The following ATG10 variants were observed in gnomAD, a reference collection of about 807,000 sequenced individuals.
The protein encoded by ATG10 is autophagy related 10.
In ATG10, 30 loss-of-function variants were observed where a neutral mutation model predicts 32.1. That is an observed-to-expected ratio of 0.94 (90% confidence interval 0.70 to 1.27). ATG10 has a LOEUF of 1.27. Among genes scored for constraint, ATG10 ranks in the 50% most tolerant of loss-of-function variants. The pLI, the probability that ATG10 is intolerant of heterozygous loss-of-function variation, is 0.00. For synonymous variants in ATG10, 87 were observed against 91.5 expected, an observed-to-expected ratio of 0.95 and a Z score of 0.28; for missense variants, 233 against 262.3, an observed-to-expected ratio of 0.89 and a Z score of 0.77.
chr5:82,082,154 G>C lies in ATG10; in HGVS notation c.216+23552G>C, dbSNP rs111436666. Among the ~76,000 whole-genome samples the C allele has an allele frequency of 2.6e-3, 391 of 152,198 alleles. 3 individuals are homozygous for C. The highest frequency in any genetic ancestry group is 8.3e-3 in the African/African-American group (346 of 41,524). On this transcript the variant is annotated intron_variant, in intron 3 of 7. Transcript: ENST00000282185. ...AGTTACAATTCCAGATGAGATTTGGGGGGGGGGACACAGCCAAACCATTTC... is the reference window on the plus strand; with the variant it reads ...AGTTACAATTCCAGATGAGATTTGGCGGGGGGGACACAGCCAAACCATTTC...
chr5:82,227,787 T>TG (rs1182968679), intron 5 of ATG10, among the ~76,000 whole-genome samples: 1 of 152,206 alleles, frequency 6.6e-6, no homozygotes, highest in African/African-American at 2.4e-5. Flanking sequence ...CTCTGTGACC[T>TG]GGATTAGTCA....
chr5:81,973,078 AT>A (rs1760771669), intron 1 of ATG10: 1 of 152,230 alleles, frequency 6.6e-6, no homozygotes, highest in Non-Finnish European at 1.5e-5. Context: ...AGAGAAAAAA[AT>A]ACAGTACTCC....
At chr5:82,013,899 A>G (rs1762202834) in intron 2 of ATG10, among the ~76,000 whole-genome samples, 1 of 151,856 alleles carries the variant, frequency 6.6e-6, no homozygotes, top group African/African-American at 2.4e-5. Context: ...GATTCTGGAT[A>G]TTAGTCATTT....
chr5:82,138,886 T>G (rs1317667531), intron 3 of ATG10, among the ~76,000 whole-genome samples: 3 of 51,346 alleles, frequency 5.8e-5, no homozygotes, highest in East Asian at 1.4e-3. Context: ...CCCCTCTCCC[T>G]CTCCCTCTCA....
At chr5:82,095,627 G>A (rs1765031758) in intron 3 of ATG10, among the ~76,000 whole-genome samples, 1 of 151,878 alleles carries the variant, frequency 6.6e-6, no homozygotes, top group Admixed American at 6.6e-5. Flanking sequence ...ATTTTAACCG[G>A]GAGTGGTGTG....
chr5:82,017,157 T>C (rs1243865605), intron 2 of ATG10, among the ~76,000 whole-genome samples: 1 of 147,524 alleles, frequency 6.8e-6, no homozygotes, highest in Non-Finnish European at 1.5e-5. Flanking sequence ...TTTTATCTCT[T>C]TTTTTTTTTT....
At chr5:82,003,249 C>T (rs2149685744) in intron 2 of ATG10, among the ~76,000 whole-genome samples, 1 of 152,296 alleles carries the variant, frequency 6.6e-6, no homozygotes, top group South Asian at 2.1e-4. Flanking sequence ...TTAATCTGCA[C>T]TGGAAATATC....
At chr5:82,067,207 GTGT>G (rs1455976068) in intron 3 of ATG10, among the ~76,000 whole-genome samples, 1 of 152,136 alleles carries the variant, frequency 6.6e-6, no homozygotes, top group African/African-American at 2.4e-5. Flanking sequence ...TAAAGTGTAA[GTGT>G]ATGCTATATA....
intron 3 of ATG10, among the ~76,000 whole-genome samples, chr5:82,143,025 G>C (rs902373192): frequency 1.3e-5 from 2 of 152,170 alleles, no homozygotes; most frequent in Non-Finnish European, 2.9e-5. Context: ...TAAATTGTCA[G>C]ATCTTTTGGC....
Position 82,101,608 on chromosome 5 carries a change from A to T in ATG10, c.216+43006A>T, listed in dbSNP as rs538120716. ...CAGAATGGATCAGTAGGTAGAAGTT[A>T]AAAAGAGTTACATTTTACTAAATAT... On this transcript the variant is annotated intron_variant, in intron 3 of 7. Coordinates refer to ENST00000282185, the MANE Select transcript of ATG10 (RefSeq NM_031482.5). Among the ~76,000 whole-genome samples, 29 of 152,320 alleles carry T rather than the reference A, an allele frequency of 1.9e-4. No individual in the cohort carries two copies. The South Asian group carries it at 5.8e-3, about 30-fold the overall frequency.
rs869311526 is a variant in ATG10 at position 82,100,000 on chromosome 5, GTTTTTTTTTTTTT to G, written c.216+41412_216+41424del. Among the ~76,000 whole-genome samples the G allele has an allele frequency of 3.7e-3, 219 of 58,956 alleles. 3 individuals are homozygous for G. Among genetic ancestry groups the G allele is most frequent in the African/African-American group, 0.015 (207 of 14,032 alleles). 38.7% of individuals were successfully genotyped at this position (58,956 alleles called of 152,430 possible). A position where few individuals can be genotyped will look rare whatever the true frequency, so the allele number is the denominator to read the frequency against. On this transcript the variant is annotated intron_variant, in intron 3 of 7. Transcript: ENST00000282185. ...CTGATTTCTTTCTTTCTTTTTCTGT[GTTTTTTTTTTTTT>G]TTTTTTTTTTTTTGAGCTGGAGTCT... is the stretch of plus-strand genomic sequence containing the variant.
intron 2 of ATG10, among the ~76,000 whole-genome samples, chr5:82,046,009 A>G (rs1000729145): frequency 6.6e-6 from 1 of 152,106 alleles, no homozygotes; most frequent in African/African-American, 2.4e-5. Flanking sequence ...TTCTTGGGTA[A>G]AGCCCTTTTG....
intron 3 of ATG10, among the ~76,000 whole-genome samples, chr5:82,085,185 G>T (rs879847473): frequency 6.6e-6 from 1 of 152,026 alleles, no homozygotes; most frequent in Admixed American, 6.6e-5. Context: ...TGCAATCCTA[G>T]TCTCTGATAA....
At chr5:82,121,213 G>A (rs1028200026) in intron 3 of ATG10, among the ~76,000 whole-genome samples, 1 of 152,156 alleles carries the variant, frequency 6.6e-6, no homozygotes, top group African/African-American at 2.4e-5. Context: ...CTTCAGTCCT[G>A]TGTTTTGCCC....
chr5:82,013,043 C>T (rs1037952423), intron 2 of ATG10, among the ~76,000 whole-genome samples: 10 of 151,260 alleles, frequency 6.6e-5, no homozygotes, highest in Non-Finnish European at 1.3e-4. Flanking sequence ...CTCACTGCAA[C>T]CTGCACCTCC....
intron 3 of ATG10, among the ~76,000 whole-genome samples, chr5:82,129,966 G>A (rs954283818): frequency 1.3e-5 from 2 of 152,124 alleles, no homozygotes; most frequent in Non-Finnish European, 2.9e-5. Context: ...CCCTTAGGTC[G>A]TCTGTCCGGG....
At chr5:81,978,939 G>A (rs1453375451) in intron 1 of ATG10, among the ~76,000 whole-genome samples, 4 of 151,644 alleles carry the variant, frequency 2.6e-5, no homozygotes, top group African/African-American at 7.3e-5. Context: ...TCGCTTTGTC[G>A]CCCAGGCTGG....
At chr5:82,085,760 C>T (rs1242831663) in intron 3 of ATG10, among the ~76,000 whole-genome samples, 1 of 152,066 alleles carries the variant, frequency 6.6e-6, no homozygotes. Flanking sequence ...TATTTGCACA[C>T]ACTAGGTACA....
chr5:82,027,550 A>G (rs1762630378), intron 2 of ATG10, among the ~76,000 whole-genome samples: 1 of 152,224 alleles, frequency 6.6e-6, no homozygotes, highest in South Asian at 2.1e-4. Flanking sequence ...TTGTTTTAAA[A>G]ACATTTTAAT....
Sources: gnomAD v4.1 joint callset for allele counts (sites outside exome capture counted in the v4.1 genomes callset) on GRCh38, gnomAD v4.1.1 for gene constraint, MANE v1.5 for transcripts, NCBI Gene and HGNC (gene_info 2026-07-23, HGNC 2026-07-21) for gene names.